Variants in SHANK2 observed in about 807,000 individuals in gnomAD.
The protein encoded by SHANK2 is SH3 and multiple ankyrin repeat domains protein 2.
Under a neutral mutation model 133.7 loss-of-function variants are expected in SHANK2, and 43 were observed. That is an observed-to-expected ratio of 0.32 (90% CI 0.25 to 0.41). SHANK2 has a LOEUF of 0.41. Ranked by LOEUF, SHANK2 falls within the 10% of genes least tolerant of loss-of-function variation. SHANK2 has a pLI of 1.00. For synonymous variants in SHANK2, 1,017 were observed against 952.8 expected (o/e 1.07, Z -1.24); for missense variants, 1,994 against 2,235.8 (o/e 0.89, Z 2.18).
rs550171947 is a variant in SHANK2, at chr11:70,927,141, C to G, written c.1108-30574G>C. On this transcript the variant is annotated intron_variant, in intron 10 of 25. Coordinates refer to ENST00000601538, the MANE Select transcript of SHANK2 (RefSeq NM_012309.5). ...TTTCTTTGTTTTAAAAAAATAAGGG[C>G]CTAGAGTAATAAGAAGTAGACTCCA... Among the ~76,000 whole-genome samples, 6 of 152,120 alleles carry G rather than the reference C, an allele frequency of 3.9e-5. No homozygotes were observed. In the South Asian group the frequency reaches 1.2e-3, roughly 32 times the overall value.
At chr11:70,832,768 G>A (rs1035615979) in intron 11 of SHANK2, among the ~76,000 whole-genome samples, 5 of 152,162 alleles carry the variant, frequency 3.3e-5, no homozygotes, top group African/African-American at 1.2e-4. Context: ...GAGGCCCAGG[G>A]AGGCTTGGGC....
intron 15 of SHANK2, among the ~76,000 whole-genome samples, chr11:70,670,372 C>A (rs537180344): frequency 2.8e-4 from 42 of 152,356 alleles, no homozygotes; most frequent in African/African-American, 1.0e-3. Context: ...AGAGAGCTTT[C>A]AGCAGTTACG....
rs782613033 is a variant in SHANK2, at chr11:70,580,049, G to A, written c.2062-77118C>T. On this transcript the variant is annotated intron_variant, in intron 17 of 25. Coordinates refer to ENST00000601538, the MANE Select transcript of SHANK2 (RefSeq NM_012309.5). The stretch of plus-strand genomic sequence containing the variant: ...GCATTGGACTTCTGGCTTTCACAAC[G>A]CTAAGATAATAAACACGTGTTGCTG... Among the ~76,000 whole-genome samples, 5 of 152,282 alleles carry A rather than the reference G, an allele frequency of 3.3e-5. No homozygotes were observed. The South Asian group carries it at 6.2e-4, about 19-fold the overall frequency.
chr11:71,091,841 T>C (rs76909447), intron 8 of SHANK2, among the ~76,000 whole-genome samples: 3,732 of 152,276 alleles, frequency 0.025, 178 homozygotes, highest in African/African-American at 0.085. Flanking sequence ...ACTGCTCTTC[T>C]ATGGGGTCCT....
At chr11:70,780,532 C>T (rs189301627) in intron 14 of SHANK2, among the ~76,000 whole-genome samples, 3 of 150,868 alleles carry the variant, frequency 2.0e-5, no homozygotes, top group East Asian at 1.9e-4. Flanking sequence ...ATACATGACC[C>T]TATACTTATC....
At chr11:71,223,606 A>G (rs1342533410) in intron 2 of SHANK2, among the ~76,000 whole-genome samples, 3 of 152,242 alleles carry the variant, frequency 2.0e-5, no homozygotes, top group African/African-American at 7.2e-5. Flanking sequence ...GGACTTGAGC[A>G]TCCATGGACT....
intron 25 of SHANK2, among the ~76,000 whole-genome samples, chr11:70,477,969 A>G (rs1555150565): frequency 6.6e-6 from 1 of 152,108 alleles, no homozygotes; most frequent in Admixed American, 6.5e-5. Flanking sequence ...ACAGACACAT[A>G]TACACACTCA....
chr11:70,921,027 C>A (rs958531373), intron 10 of SHANK2, among the ~76,000 whole-genome samples: 10 of 152,064 alleles, frequency 6.6e-5, no homozygotes, highest in African/African-American at 2.4e-4. Context: ...ATGTCTGAGA[C>A]AAGAAATCTG....
chr11:70,864,305 C>A (rs551890854), intron 11 of SHANK2: 1 of 162,098 alleles, frequency 6.2e-6, no homozygotes, highest in East Asian at 1.9e-4. Context: ...ATGAGAGTAT[C>A]CAGGGCAAAA....
chr11:70,930,429 A>T (rs1212502417), intron 10 of SHANK2, among the ~76,000 whole-genome samples: 2 of 152,218 alleles, frequency 1.3e-5, no homozygotes, highest in Non-Finnish European at 1.5e-5. Context: ...GTTTGTTATG[A>T]GGCATAACTG....
chr11:70,932,935 T>C (rs1950522045), intron 10 of SHANK2, among the ~76,000 whole-genome samples: 1 of 152,136 alleles, frequency 6.6e-6, no homozygotes, highest in Non-Finnish European at 1.5e-5. Flanking sequence ...ATGATGCAGC[T>C]CCTATGGAAA....
chr11:70,681,467 G>T (rs1291153983), intron 15 of SHANK2, among the ~76,000 whole-genome samples: 2 of 152,094 alleles, frequency 1.3e-5, no homozygotes, highest in African/African-American at 4.8e-5. Flanking sequence ...GCCCCCTGGG[G>T]TATCTCCTCA....
intron 15 of SHANK2, among the ~76,000 whole-genome samples, chr11:70,697,289 C>T (rs1457842725): frequency 6.6e-6 from 1 of 152,138 alleles, no homozygotes; most frequent in Admixed American, 6.6e-5. Context: ...ATGTATTTTA[C>T]CACAATAAGA....
intron 17 of SHANK2, among the ~76,000 whole-genome samples, chr11:70,568,891 A>G (rs1565137864): frequency 6.6e-6 from 1 of 152,072 alleles, no homozygotes; most frequent in Non-Finnish European, 1.5e-5. Context: ...ACCGCAACCC[A>G]GCTGTTTATA....
chr11:71,089,742 G>T (rs1264357591), intron 8 of SHANK2, among the ~76,000 whole-genome samples: 2 of 152,208 alleles, frequency 1.3e-5, no homozygotes, highest in Non-Finnish European at 2.9e-5. Flanking sequence ...AAACAGCTCA[G>T]ACACAAATGA....
chr11:70,806,635 C>T (rs1332228423), intron 13 of SHANK2, among the ~76,000 whole-genome samples: 1 of 152,144 alleles, frequency 6.6e-6, no homozygotes, highest in Non-Finnish European at 1.5e-5. Context: ...GGACCATCTA[C>T]CTGGAGACCC....
At chr11:70,786,250 C>T (rs1279308550) in intron 14 of SHANK2, among the ~76,000 whole-genome samples, 4 of 152,198 alleles carry the variant, frequency 2.6e-5, no homozygotes, top group Admixed American at 2.6e-4. Context: ...CTGGCCTGGC[C>T]TCCTTTTACA....
At chr11:71,231,532 T>C (rs1156408133) in intron 1 of SHANK2, among the ~76,000 whole-genome samples, 1 of 152,150 alleles carries the variant, frequency 6.6e-6, no homozygotes, top group Non-Finnish European at 1.5e-5. Flanking sequence ...AAAACCTAAA[T>C]ATGTAACTCC....
intron 11 of SHANK2, among the ~76,000 whole-genome samples, chr11:70,865,805 C>T (rs543015959): frequency 6.6e-6 from 1 of 152,240 alleles, no homozygotes; most frequent in Non-Finnish European, 1.5e-5. Flanking sequence ...CATTCACTCA[C>T]TCACTAATTC....
Sources: allele counts gnomAD v4.1 joint callset (sites outside exome capture counted in the v4.1 genomes callset), GRCh38; gene constraint gnomAD v4.1.1; transcripts MANE v1.5; gene names NCBI Gene and HGNC (gene_info 2026-07-23, HGNC 2026-07-21).